The following PITPNC1 variants were observed in gnomAD, a reference collection of about 807,000 sequenced individuals.
PITPNC1 encodes the protein phosphatidylinositol transfer protein cytoplasmic 1, also known as cytoplasmic phosphatidylinositol transfer protein 1.
In PITPNC1, 18 loss-of-function variants were observed where a neutral mutation model predicts 44.7. The ratio of observed to expected loss-of-function variants is 0.40; its 90% CI spans 0.28 to 0.60. The LOEUF is 0.60. Among genes scored for constraint, PITPNC1 ranks in the 20% least tolerant of loss-of-function variants. PITPNC1 has a pLI of 0.39. For synonymous variants in PITPNC1, 141 were observed against 149.6 expected (o/e 0.94, Z 0.42); for missense variants, 290 against 418.4 (o/e 0.69, Z 2.68).
At chr17:67,386,738 T>TG (rs1301019302) in intron 1 of PITPNC1, among the ~76,000 whole-genome samples, 2 of 152,210 alleles carry the variant, frequency 1.3e-5, no homozygotes, top group African/African-American at 4.8e-5. Context: ...GTGTGGGCTT[T>TG]GGCCTGTTTT....
At chr17:67,568,139 A>T (rs1461400210) in intron 4 of PITPNC1, among the ~76,000 whole-genome samples, 1 of 152,254 alleles carries the variant, frequency 6.6e-6, no homozygotes, top group Admixed American at 6.5e-5. Context: ...CAGATGTAGT[A>T]TGTCCGTACA....
intron 5 of PITPNC1, among the ~76,000 whole-genome samples, chr17:67,603,083 C>A (rs1343248665): frequency 6.6e-6 from 1 of 152,142 alleles, no homozygotes; most frequent in Non-Finnish European, 1.5e-5. Flanking sequence ...TTCATTTGAT[C>A]AATCTGAGCA....
At chr17:67,589,264 T>C (rs1229954325) in intron 5 of PITPNC1, among the ~76,000 whole-genome samples, 1 of 152,242 alleles carries the variant, frequency 6.6e-6, no homozygotes, top group Admixed American at 6.5e-5. Flanking sequence ...AAGGGCTGGC[T>C]TTCTGATTCT....
intron 5 of PITPNC1, among the ~76,000 whole-genome samples, chr17:67,578,977 A>AT (rs1220865390): frequency 6.6e-6 from 1 of 152,204 alleles, no homozygotes; most frequent in East Asian, 1.9e-4. Flanking sequence ...GCGAGACTCC[A>AT]TCTCAAAAAA....
chr17:67,567,268 G>C (rs969916551), intron 4 of PITPNC1, among the ~76,000 whole-genome samples: 1 of 152,026 alleles, frequency 6.6e-6, no homozygotes, highest in Admixed American at 6.5e-5. Flanking sequence ...GGCGGATCAT[G>C]AGGTCAGGAG....
intron 5 of PITPNC1, among the ~76,000 whole-genome samples, chr17:67,608,318 GCCTGAGCCCATGTGTTCAAGTCCAA>G: frequency 6.6e-6 from 1 of 151,052 alleles, no homozygotes; most frequent in African/African-American, 2.4e-5. Context: ...CAGGAGAATG[GCCTGAGCCCATGTGTTCAAGTCCAA>G]CCTGAGCAAC....
At chr17:67,639,954 A>G (rs918876781) in intron 6 of PITPNC1, among the ~76,000 whole-genome samples, 1 of 152,214 alleles carries the variant, frequency 6.6e-6, no homozygotes, top group African/African-American at 2.4e-5. Flanking sequence ...AAATATTTTC[A>G]TTCTGGTCTA....
chr17:67,573,260 C>A (rs939878556), intron 4 of PITPNC1, among the ~76,000 whole-genome samples: 8 of 151,680 alleles, frequency 5.3e-5, no homozygotes, highest in African/African-American at 1.7e-4. Context: ...GAGGCATCTG[C>A]CAAAAAAGAA....
intron 8 of PITPNC1, among the ~76,000 whole-genome samples, chr17:67,686,653 T>C (rs947091695): frequency 6.6e-6 from 1 of 152,202 alleles, no homozygotes; most frequent in Non-Finnish European, 1.5e-5. Flanking sequence ...AATGCATTGA[T>C]TTAAACAACC....
intron 1 of PITPNC1, among the ~76,000 whole-genome samples, chr17:67,435,140 A>G (rs1360868954): frequency 6.6e-6 from 1 of 150,626 alleles, no homozygotes; most frequent in Admixed American, 6.6e-5. Context: ...AGAAGCCCAG[A>G]GCTCAAGATC....
chr17:67,536,453 C>T (rs975347703), intron 2 of PITPNC1, among the ~76,000 whole-genome samples: 32 of 152,240 alleles, frequency 2.1e-4, no homozygotes, highest in Middle Eastern at 3.4e-3. Flanking sequence ...TCTTGAACTC[C>T]TGACCTCAAA....
chr17:67,669,002 T>G (rs900535741), intron 6 of PITPNC1, among the ~76,000 whole-genome samples: 1 of 152,248 alleles, frequency 6.6e-6, no homozygotes, highest in African/African-American at 2.4e-5. Flanking sequence ...AATACCAGAA[T>G]GTTTTCATCA....
chr17:67,421,948 C>T (rs901070288), intron 1 of PITPNC1, among the ~76,000 whole-genome samples: 1 of 152,156 alleles, frequency 6.6e-6, no homozygotes, highest in Non-Finnish European at 1.5e-5. Flanking sequence ...GCAAATTATG[C>T]ATGTAGGTGA....
intron 4 of PITPNC1, among the ~76,000 whole-genome samples, chr17:67,570,024 C>T (rs1351637331): frequency 6.6e-6 from 1 of 152,156 alleles, no homozygotes; most frequent in African/African-American, 2.4e-5. Flanking sequence ...CAGGGACAGG[C>T]GTGCTTTTTT....
At chr17:67,488,809 C>G in intron 1 of PITPNC1, among the ~76,000 whole-genome samples, 1 of 152,314 alleles carries the variant, frequency 6.6e-6, no homozygotes. Context: ...TTTGACTACT[C>G]TAGGTACTCA....
chr17:67,529,762 C>A (rs975502033), intron 1 of PITPNC1, among the ~76,000 whole-genome samples: 2 of 152,118 alleles, frequency 1.3e-5, no homozygotes, highest in African/African-American at 4.8e-5. Flanking sequence ...GCCTGGCCAA[C>A]ATGGTGAAAC....
intron 6 of PITPNC1, among the ~76,000 whole-genome samples, chr17:67,652,447 G>T (rs961053526): frequency 6.6e-6 from 1 of 152,278 alleles, no homozygotes; most frequent in East Asian, 1.9e-4. Flanking sequence ...AAGATGTGCC[G>T]AAGTCCATCT....
chr17:67,471,541 G>A, intron 1 of PITPNC1: 4 of 370,944 alleles, frequency 1.1e-5, no homozygotes, highest in South Asian at 2.0e-5. Context: ...ACTTTCAATG[G>A]CAAAAACCAC....
At chr17:67,572,208 C>A (rs1232471625) in intron 4 of PITPNC1, among the ~76,000 whole-genome samples, 4 of 151,996 alleles carry the variant, frequency 2.6e-5, no homozygotes, top group Admixed American at 2.6e-4. Flanking sequence ...TTTTTTCCAC[C>A]CCCACACTCC....
Sources: allele counts gnomAD v4.1 joint callset (sites outside exome capture counted in the v4.1 genomes callset), GRCh38; gene constraint gnomAD v4.1.1; transcripts MANE v1.5; gene names NCBI Gene and HGNC (gene_info 2026-07-23, HGNC 2026-07-21).